Variants in TBCK observed in about 807,000 individuals in gnomAD.
TBCK encodes TBC1 domain containing kinase, also known as TBC domain-containing protein kinase-like protein.
In TBCK, 99 loss-of-function variants were observed where a neutral mutation model predicts 113.4. The observed-to-expected ratio is 0.87, with a 90% CI of 0.74 to 1.03. The LOEUF (loss-of-function observed/expected upper bound fraction) is 1.03. Ranked by LOEUF, TBCK falls within the 50% of genes least tolerant of loss-of-function variation. The pLI, the probability that TBCK is intolerant of heterozygous loss-of-function variation, is 0.00. For missense variants in TBCK, 1,045 were observed against 1,061.3 expected (o/e 0.98, Z 0.21); for synonymous variants, 369 against 370.8 (o/e 1.00, Z 0.05).
chr4:106,220,636 A>G, intron 19 of TBCK, among the ~76,000 whole-genome samples: 2 of 152,128 alleles, frequency 1.3e-5, no homozygotes, highest in Non-Finnish European at 2.9e-5. Context: ...TACTCAAGTA[A>G]TACTTTTTCT....
intron 19 of TBCK, among the ~76,000 whole-genome samples, chr4:106,213,989 C>T (rs1756518779): frequency 6.6e-6 from 1 of 152,168 alleles, no homozygotes; most frequent in Non-Finnish European, 1.5e-5. Context: ...TTGAAGAGAG[C>T]AGTGGTTCTC....
At position 106,043,443 on chromosome 4, in the gene TBCK, T is replaced by C. The variant is rs1733972786; in HGVS notation, c.*3127A>G. The C allele has an allele frequency of 6.6e-6, 1 of 152,220 alleles. No individual in the cohort carries two copies. Among genetic ancestry groups the C allele is most frequent in the African/African-American group, 2.4e-5 (1 of 41,456 alleles). 9.4% of individuals were successfully genotyped at this position (152,220 alleles called of 1,614,324 possible). A position where few individuals can be genotyped will look rare whatever the true frequency, so the allele number is the denominator to read the frequency against. ...TTCTCCCTTCAAATAGATTCTAAAATTGATAGATTCAATTTTATATTAATT... is the reference window on the plus strand; with the variant it reads ...TTCTCCCTTCAAATAGATTCTAAAACTGATAGATTCAATTTTATATTAATT... On this transcript the variant is annotated 3_prime_UTR_variant, in exon 26 of 26. Coordinates refer to ENST00000394708, the MANE Select transcript of TBCK (RefSeq NM_001163435.3).
intron 5 of TBCK, among the ~76,000 whole-genome samples, chr4:106,253,224 T>A (rs184832998): frequency 6.6e-6 from 1 of 152,302 alleles, no homozygotes; most frequent in Non-Finnish European, 1.5e-5. Context: ...TTCTGAACTT[T>A]ATAACACTGG....
rs571271031 is a variant in TBCK, at chr4:106,096,897, G to A, written c.2412-1256C>T. On this transcript the variant is annotated intron_variant, in intron 24 of 25. Transcript: ENST00000394708. ...ACGTATTAGAAAATTAGAAGACCCTGACTCTAAAAGAAGAACTGTTTAATA... is the reference window on the plus strand; with the variant it reads ...ACGTATTAGAAAATTAGAAGACCCTAACTCTAAAAGAAGAACTGTTTAATA... 1.4e-4 allele frequency among the ~76,000 whole-genome samples: 22 copies of A among 152,200 alleles called. 1 individual carries two copies. The highest frequency in any genetic ancestry group is 5.3e-4 in the African/African-American group (22 of 41,522).
At chr4:106,124,329 A>G (rs1365550856) in intron 23 of TBCK, among the ~76,000 whole-genome samples, 1 of 152,218 alleles carries the variant, frequency 6.6e-6, no homozygotes, top group Non-Finnish European at 1.5e-5. Context: ...TAGAATGGCA[A>G]TCATTAAAAA....
intron 24 of TBCK, among the ~76,000 whole-genome samples, chr4:106,107,549 A>T (rs568430719): frequency 6.6e-6 from 1 of 152,232 alleles, no homozygotes; most frequent in Admixed American, 6.5e-5. Flanking sequence ...TGGGTAAAAA[A>T]TAAAAGGCAG....
intron 19 of TBCK, among the ~76,000 whole-genome samples, chr4:106,228,459 AT>A (rs1758483341): frequency 6.6e-6 from 1 of 150,990 alleles, no homozygotes; most frequent in African/African-American, 2.4e-5. Flanking sequence ...AAATGTTTTG[AT>A]TTTCAGATCC....
chr4:106,176,723 T>A (rs1400476284), intron 22 of TBCK, among the ~76,000 whole-genome samples: 2 of 152,036 alleles, frequency 1.3e-5, no homozygotes, highest in East Asian at 3.9e-4. Flanking sequence ...GATCTTATGG[T>A]GCTTCTATTT....
intron 20 of TBCK, among the ~76,000 whole-genome samples, chr4:106,203,696 T>G (rs1755135191): frequency 6.7e-6 from 1 of 150,332 alleles, no homozygotes; most frequent in African/African-American, 2.4e-5. Flanking sequence ...GAGATCTACA[T>G]TATCATTTTT....
intron 23 of TBCK, among the ~76,000 whole-genome samples, chr4:106,125,924 G>A (rs1463979801): frequency 6.6e-6 from 1 of 152,156 alleles, no homozygotes; most frequent in Non-Finnish European, 1.5e-5. Flanking sequence ...ACAAAGCAAC[G>A]ATAAAGACTT....
intron 25 of TBCK, among the ~76,000 whole-genome samples, chr4:106,048,463 A>C (rs2149441361): frequency 6.6e-6 from 1 of 152,226 alleles, no homozygotes; most frequent in Admixed American, 6.5e-5. Flanking sequence ...AAAAGGTGTC[A>C]AGTGAGCTGG....
At chr4:106,243,083 G>A (rs2150035277) in intron 11 of TBCK, among the ~76,000 whole-genome samples, 3 of 151,994 alleles carry the variant, frequency 2.0e-5, no homozygotes, top group Admixed American at 2.0e-4. Flanking sequence ...TGGTATATAT[G>A]TGCCACATAT....
intron 25 of TBCK, among the ~76,000 whole-genome samples, chr4:106,069,348 A>C (rs191945473): frequency 0.013 from 2,000 of 152,114 alleles, 47 homozygotes; most frequent in African/African-American, 0.043. Flanking sequence ...GATCCAGTTT[A>C]AGCTTTCTAC....
chr4:106,219,480 A>G (rs1024819178), intron 19 of TBCK, among the ~76,000 whole-genome samples: 2 of 152,032 alleles, frequency 1.3e-5, no homozygotes, highest in African/African-American at 4.8e-5. Flanking sequence ...TAGGCAATTA[A>G]AAATATATTT....
intron 23 of TBCK, among the ~76,000 whole-genome samples, chr4:106,121,768 A>G (rs1744415640): frequency 6.6e-6 from 1 of 152,242 alleles, no homozygotes; most frequent in African/African-American, 2.4e-5. Context: ...CTGCTCCTGA[A>G]TGACTACTGG....
Position 106,257,043 on chromosome 4 carries a change from TA to T in TBCK, c.455+3393del, listed in dbSNP as rs35706528. On this transcript the variant is annotated intron_variant, in intron 5 of 25. Coordinates refer to ENST00000394708, the MANE Select transcript of TBCK (RefSeq NM_001163435.3). ...GGATATACTCAGTATAGTTTTGCTT[TA>T]AAAAAAAAATTCCTATAAAAAATAC... 2.9e-4 allele frequency among the ~76,000 whole-genome samples: 44 copies of T among 150,456 alleles called. No individual in the cohort carries two copies. In the East Asian group the frequency reaches 4.5e-3, roughly 15 times the overall value.
At chr4:106,208,136 G>T (rs1266745367) in intron 20 of TBCK, among the ~76,000 whole-genome samples, 1 of 152,092 alleles carries the variant, frequency 6.6e-6, no homozygotes, top group African/African-American at 2.4e-5. Flanking sequence ...AACTGTCTCT[G>T]AAGACTAATC....
chr4:106,228,342 A>T (rs988684087), intron 19 of TBCK, among the ~76,000 whole-genome samples: 5 of 146,066 alleles, frequency 3.4e-5, no homozygotes, highest in Non-Finnish European at 3.0e-5. Flanking sequence ...TCTTTCGGTT[A>T]TTTTTTTTTT....
At chr4:106,294,689 G>A (rs1400717086) in intron 3 of TBCK, among the ~76,000 whole-genome samples, 1 of 151,890 alleles carries the variant, frequency 6.6e-6, no homozygotes, top group African/African-American at 2.4e-5. Context: ...CACCGTGTTA[G>A]CCAGGATGGT....
Sources: gnomAD v4.1 joint callset for allele counts (sites outside exome capture counted in the v4.1 genomes callset) on GRCh38, gnomAD v4.1.1 for gene constraint, MANE v1.5 for transcripts, NCBI Gene and HGNC (gene_info 2026-07-23, HGNC 2026-07-21) for gene names.